ADSS2: variants seen among roughly 807,000 people sequenced by gnomAD.
ADSS2 encodes the protein adenylosuccinate synthetase isozyme 2.
ADSS2 carries 30 observed loss-of-function variants against 60.0 expected under a neutral mutation model. That is an observed-to-expected ratio of 0.50 (90% confidence interval 0.37 to 0.68). The LOEUF (loss-of-function observed/expected upper bound fraction) is 0.68, where lower values mean the gene tolerates loss of function less well. Ranked by LOEUF, ADSS2 falls within the 30% of genes least tolerant of loss-of-function variation. The pLI is 0.00. For missense variants in ADSS2, 373 were observed against 554.8 expected (o/e 0.67, Z 3.29); for synonymous variants, 187 against 193.1 (o/e 0.97, Z 0.26).
At chr1:244,434,067 G>C (rs1665021296) in intron 3 of ADSS2, among the ~76,000 whole-genome samples, 1 of 151,618 alleles carries the variant, frequency 6.6e-6, no homozygotes, top group African/African-American at 2.4e-5. Context: ...AATTACTTTT[G>C]GCTGAGAGCA....
intron 6 of ADSS2, among the ~76,000 whole-genome samples, chr1:244,423,165 G>A (rs999732609): frequency 1.3e-5 from 2 of 152,170 alleles, no homozygotes; most frequent in South Asian, 4.1e-4. Context: ...TATGTGTGTA[G>A]GGAGGGAAGA....
At chr1:244,442,242 T>TACACAC (rs71739056) in intron 1 of ADSS2, among the ~76,000 whole-genome samples, 23 of 149,158 alleles carry the variant, frequency 1.5e-4, no homozygotes, top group African/African-American at 4.9e-4. Flanking sequence ...ATGGTTGCTC[T>TACACAC]ACACACACAC....
intron 1 of ADSS2, among the ~76,000 whole-genome samples, chr1:244,440,417 T>C (rs1665208209): frequency 6.6e-6 from 1 of 152,270 alleles, no homozygotes; most frequent in East Asian, 1.9e-4. Flanking sequence ...TGAAGACTAA[T>C]GTATGGCATA....
At chr1:244,411,508 G>T in intron 11 of ADSS2, 72 bp from the exon 12 acceptor site, 1 of 1,420,518 alleles carries the variant, frequency 7.0e-7, no homozygotes, top group Non-Finnish European at 9.5e-7. Context: ...ATATATTGTA[G>T]GTTCAAAATG....
intron 7 of ADSS2, among the ~76,000 whole-genome samples, chr1:244,421,834 G>A (rs940193206): frequency 1.3e-5 from 2 of 152,014 alleles, no homozygotes; most frequent in Admixed American, 1.3e-4. Context: ...AACCTAGCAG[G>A]GTGTGGTGGT....
At chr1:244,445,880 C>G (rs1665371818) in intron 1 of ADSS2, among the ~76,000 whole-genome samples, 1 of 152,148 alleles carries the variant, frequency 6.6e-6, no homozygotes, top group Non-Finnish European at 1.5e-5. Context: ...GTGTCAAGGG[C>G]TACCAATTTC....
intron 4 of ADSS2, among the ~76,000 whole-genome samples, chr1:244,431,307 G>T (rs2148003340): frequency 6.6e-6 from 1 of 152,208 alleles, no homozygotes; most frequent in South Asian, 2.1e-4. Flanking sequence ...AAACCCTTTT[G>T]TCCTTATCCA....
At chr1:244,445,180 C>G (rs886318967) in intron 1 of ADSS2, among the ~76,000 whole-genome samples, 2 of 152,340 alleles carry the variant, frequency 1.3e-5, no homozygotes, top group East Asian at 3.9e-4. Flanking sequence ...CTCAGGCCAC[C>G]ATCCTGCTCT....
At chr1:244,420,403 A>T in intron 7 of ADSS2, 107 bp from the exon 8 acceptor site, 1 of 948,698 alleles carries the variant, frequency 1.1e-6, no homozygotes, top group Non-Finnish European at 1.5e-6. Context: ...TGACAAACGC[A>T]AAGTAGAAAA....
intron 1 of ADSS2, among the ~76,000 whole-genome samples, chr1:244,439,927 G>A (rs550869534): frequency 2.6e-5 from 4 of 152,286 alleles, no homozygotes; most frequent in East Asian, 1.9e-4. Context: ...ACTGTGACAA[G>A]GGCAGCACTG....
At chr1:244,414,105 C>A (rs1178703398) in intron 11 of ADSS2, among the ~76,000 whole-genome samples, 2 of 152,010 alleles carry the variant, frequency 1.3e-5, no homozygotes, top group Non-Finnish European at 2.9e-5. Flanking sequence ...ATAATTCAAT[C>A]GTCCCCTAAA....
intron 10 of ADSS2, among the ~76,000 whole-genome samples, chr1:244,416,663 G>T (rs1392582504): frequency 6.6e-6 from 1 of 152,154 alleles, no homozygotes; most frequent in Non-Finnish European, 1.5e-5. Flanking sequence ...TGTATTTGTG[G>T]GAGGGCTGCC....
chr1:244,447,270 A>G (rs2148016456), intron 1 of ADSS2, among the ~76,000 whole-genome samples: 1 of 152,338 alleles, frequency 6.6e-6, no homozygotes, highest in African/African-American at 2.4e-5. Context: ...TACAGAAAGA[A>G]AGCTATTAAG....
chr1:244,450,880 T>C (rs570447849), intron 1 of ADSS2, among the ~76,000 whole-genome samples: 78 of 152,336 alleles, frequency 5.1e-4, no homozygotes, highest in African/African-American at 1.8e-3. Flanking sequence ...AATACTCAAT[T>C]TGACATCCAT....
At chr1:244,433,096 T>G (rs1389190782) in intron 3 of ADSS2, among the ~76,000 whole-genome samples, 1 of 151,798 alleles carries the variant, frequency 6.6e-6, no homozygotes, top group Non-Finnish European at 1.5e-5. Context: ...ATTAGCTGGG[T>G]GTGGTGGTGG....
At chr1:244,423,014 T>C (rs1664710864) in intron 6 of ADSS2, 98 bp from the exon 7 acceptor site, 9 of 746,562 alleles carry the variant, frequency 1.2e-5, no homozygotes, top group African/African-American at 1.1e-4. Flanking sequence ...GTAAATGATC[T>C]TAACAGCAAA....
rs749216992 is a variant in ADSS2, at chr1:244,420,212, A to T, written c.748T>A (p.Leu250Met). Residue 250 changes from leucine to methionine, a missense_variant, in exon 8 of 13, where the codon TTG becomes ATG. Physicochemically the swap from Leu to Met is conservative, Grantham distance 15. Coordinates refer to ENST00000366535, the MANE Select transcript of ADSS2 (RefSeq NM_001126.5). ...EALHGPPKKI[L>M]VEGANAALLD... ...AGTGCTGCATTTGCACCTTCTACCA[A>T]GATTTTCTTTGGTGGTCCATGTAGG... 6.2e-7 allele frequency: 1 copy of T among 1,613,786 alleles called. No individual in the cohort carries two copies. Among genetic ancestry groups the T allele is most frequent in the Non-Finnish European group, 8.5e-7 (1 of 1,179,908 alleles).
chr1:244,451,522 A>C lies in ADSS2; in HGVS notation c.183+113T>G. ...GACAGGAGGAGAGAGCCTCAAGGTG[A>C]CACCTCATTTTGGCCAGTGGATCCG... is the stretch of plus-strand genomic sequence containing the variant. On this transcript the variant is annotated intron_variant, in intron 1 of 12. Transcript: ENST00000366535. This position sits in a 1 kb window ranked among gnomAD's most constrained non-coding sequence, Gnocchi z 6.6. The C allele has an allele frequency of 8.8e-7, 1 of 1,140,522 alleles. No individual in the cohort carries two copies. The highest frequency in any genetic ancestry group is 1.2e-6 in the Non-Finnish European group (1 of 820,832). 70.7% of individuals were successfully genotyped at this position (1,140,522 alleles called of 1,614,324 possible). A position where few individuals can be genotyped will look rare whatever the true frequency, so the allele number is the denominator to read the frequency against.
At position 244,439,422 on chromosome 1, in the gene ADSS2, C is replaced by T. The variant is rs1238191115; in HGVS notation, c.184-1654G>A. Among the ~76,000 whole-genome samples the T allele has an allele frequency of 2.0e-5, 3 of 152,154 alleles. 1 individual carries two copies. In the East Asian group the frequency reaches 5.8e-4, roughly 29 times the overall value. Reference sequence around the variant, plus strand: ...TCCCTTCAAGGTAGCAACTTCCTTTCTGGCCCAGGGTATGTCTAGAAATTT... The same window carrying T: ...TCCCTTCAAGGTAGCAACTTCCTTTTTGGCCCAGGGTATGTCTAGAAATTT... On this transcript the variant is annotated intron_variant, in intron 1 of 12. Transcript: ENST00000366535.
Sources: gnomAD v4.1 joint callset for allele counts (sites outside exome capture counted in the v4.1 genomes callset) on GRCh38, gnomAD v4.1.1 for gene constraint, Gnocchi (gnomAD v3.1) non-coding constraint, MANE v1.5 for transcripts, NCBI Gene and HGNC (gene_info 2026-07-23, HGNC 2026-07-21) for gene names.